The following NDRG4 variants were observed in gnomAD, a reference collection of about 807,000 sequenced individuals.
NDRG4 encodes the protein protein NDRG4.
A neutral mutation model predicts 55.8 loss-of-function variants in NDRG4; 38 were observed. The ratio of observed to expected loss-of-function variants is 0.68; its 90% confidence interval spans 0.53 to 0.89. The LOEUF (loss-of-function observed/expected upper bound fraction) is 0.89. Among genes scored for constraint, NDRG4 ranks in the 40% least tolerant of loss-of-function variants. NDRG4 has a pLI of 0.00. For missense variants in NDRG4, 455 were observed against 468.6 expected (o/e 0.97, Z 0.27); for synonymous variants, 190 against 182.7 (o/e 1.04, Z -0.32).
rs777199381 is a variant in NDRG4, at chr16:58,506,582, C to A, written c.484C>A (p.Pro162Thr). ...GCTCTCCGGCCTAACTAGCACTTTACCCGACACGGTGCTCTCCCACCTCTT... is the reference window on the plus strand; with the variant it reads ...GCTCTCCGGCCTAACTAGCACTTTAACCGACACGGTGCTCTCCCACCTCTT... ...TKLSGLTSTL[P>T]DTVLSHLFSQ... The change falls in exon 7 of 15, where the codon CCC (proline) becomes ACC (threonine). Residue 162 changes from proline (P) to threonine (T), a missense_variant. Physicochemically the swap from Pro to Thr is conservative, Grantham distance 38 (BLOSUM62 -1). Coordinates refer to ENST00000570248, the MANE Select transcript of NDRG4 (RefSeq NM_001242835.2). 1.1e-5 allele frequency: 17 copies of A among 1,579,100 alleles called. 1 individual carries two copies. In the South Asian group the frequency reaches 2.0e-4, roughly 18 times the overall value.
rs533886013 is a variant in NDRG4 at position 58,482,681 on chromosome 16, C to T, written c.-23-5075C>T. Among the ~76,000 whole-genome samples, 172 of 132,562 alleles carry T rather than the reference C, an allele frequency of 1.3e-3. 6 individuals are homozygous for T. The highest frequency in any genetic ancestry group is 8.8e-3 in the Admixed American group (123 of 13,964). 87.0% of individuals were successfully genotyped at this position (132,562 alleles called of 152,430 possible). A position where few individuals can be genotyped will look rare whatever the true frequency, so the allele number is the denominator to read the frequency against. On this transcript the variant is annotated intron_variant, in intron 1 of 15. Coordinates refer to the NDRG4 transcript ENST00000258187. ...TCTCTTTCCATCCCTCCCTTCCTTC[C>T]TCCCTCCCTTCCTTCCTCCCTCCCT... is the stretch of plus-strand genomic sequence containing the variant.
Position 58,504,179 on chromosome 16 carries a change from C to T in NDRG4, c.153C>T (p.Phe51=). 3 of 1,614,208 alleles carry T rather than the reference C, an allele frequency of 1.9e-6. No individual in the cohort carries two copies. Among genetic ancestry groups the T allele is most frequent in the Non-Finnish European group, 2.5e-6 (3 of 1,180,036 alleles). The change falls in exon 3 of 15, where the codon TTC becomes TTT. Residue 51 remains phenylalanine, a synonymous_variant. Coordinates refer to ENST00000570248, the MANE Select transcript of NDRG4 (RefSeq NM_001242835.2). ...ACAAACTATGCTTCAACACCTTCTT[C>T]AACTTCGAGGACATGCAGGAGATCA... ...LNHKLCFNTF[F]NFEDMQEITK... is the part of the protein sequence containing the mutation.
In NDRG4 at chr16:58,511,984, G is replaced by A. The variant is rs570612983; in HGVS notation, c.*408G>A. On this transcript the variant is annotated 3_prime_UTR_variant, in exon 15 of 15. Coordinates refer to ENST00000570248, the MANE Select transcript of NDRG4 (RefSeq NM_001242835.2). Reference sequence around the variant, plus strand: ...GTGCGGGGCCAGCTCAGGCACTGGCGTGGGAGCCCTGGGAGACCCCTTCCC... The same window carrying A: ...GTGCGGGGCCAGCTCAGGCACTGGCATGGGAGCCCTGGGAGACCCCTTCCC... 4 of 461,520 alleles carry A rather than the reference G, an allele frequency of 8.7e-6. No homozygotes were observed. The highest frequency in any genetic ancestry group is 1.6e-5 in the South Asian group (1 of 64,286). The allele number at this position is 461,520 out of a possible 1,614,324, so 28.6% of individuals were successfully genotyped here.
At position 58,505,693 on chromosome 16, in the gene NDRG4, T is replaced by C. The variant is rs114420542; in HGVS notation, c.373-694T>C. On this transcript the variant is annotated intron_variant, in intron 5 of 14. Coordinates refer to ENST00000570248, the MANE Select transcript of NDRG4 (RefSeq NM_001242835.2). ...AAAAGGTTGTTTTTTTCTTAATTTA[T>C]ATCATGAGGGCTTCATTTTCTTTTT... Among the ~76,000 whole-genome samples, 1,282 of 149,772 alleles carry C rather than the reference T, an allele frequency of 8.6e-3. 22 individuals carry two copies. Among genetic ancestry groups the C allele is most frequent in the African/African-American group, 0.03 (1,210 of 40,732 alleles).
chr16:58,507,872 G>GCCCCTGGCCCTCTGGCCT lies in NDRG4; in HGVS notation c.677+9_677+26dup. ...CAATGCCAAGACGCTCCGGTGAGTG[G>GCCCCTGGCCCTCTGGCCT]CCCCTGGCCCTCTGGCCTGCCCTGG... On this transcript the variant is annotated intron_variant, in intron 9 of 14. Coordinates refer to ENST00000570248, the MANE Select transcript of NDRG4 (RefSeq NM_001242835.2). The GCCCCTGGCCCTCTGGCCT allele has an allele frequency of 6.2e-7, 1 of 1,614,024 alleles. No individual in the cohort carries two copies. The highest frequency in any genetic ancestry group is 8.5e-7 in the Non-Finnish European group (1 of 1,179,986).
At chr16:58,491,618 A>C (rs944606851) in intron 2 of NDRG4, among the ~76,000 whole-genome samples, 2 of 151,380 alleles carry the variant, frequency 1.3e-5, no homozygotes, top group African/African-American at 2.4e-5. Context: ...GAGCCACCAC[A>C]CCCGGCTAAT....
intron 1 of NDRG4, among the ~76,000 whole-genome samples, chr16:58,482,333 T>C (rs2034497149): frequency 6.6e-6 from 1 of 152,132 alleles, no homozygotes; most frequent in South Asian, 2.1e-4. Context: ...CAGTTCTACC[T>C]CTTTTCTTGT....
intron 9 of NDRG4, 29 bp downstream of exon 9, chr16:58,507,893 C>T (rs1337218048): frequency 6.2e-7 from 1 of 1,613,980 alleles, no homozygotes; most frequent in Non-Finnish European, 8.5e-7. Context: ...TCTGGCCTGC[C>T]CTGGCCTTTG....
chr16:58,509,119 G>A (rs1287565377), intron 11 of NDRG4, 35 bp from the exon 12 acceptor site: 11 of 1,613,832 alleles, frequency 6.8e-6, no homozygotes, highest in African/African-American at 1.3e-5. Flanking sequence ...TGGAGTGAGG[G>A]CCCTGCTCAG....
intron 14 of NDRG4, 112 bp from the exon 15 acceptor site, chr16:58,511,310 T>G: frequency 7.9e-7 from 1 of 1,264,532 alleles, no homozygotes. Flanking sequence ...GAGGAGCCCT[T>G]TGTGCCTTCG....
At chr16:58,497,845 G>T (rs1329160556), upstream of NDRG4, among the ~76,000 whole-genome samples, 1 of 152,156 alleles carries the variant, frequency 6.6e-6, no homozygotes, top group Non-Finnish European at 1.5e-5. Context: ...CCTGGGCAGG[G>T]GTGGGGTCAG....
In NDRG4 at chr16:58,507,015, G is replaced by A. The variant is rs1235788309; in HGVS notation, c.620G>A (p.Ser207Asn). 3 of 1,611,786 alleles carry A rather than the reference G, an allele frequency of 1.9e-6. No individual in the cohort carries two copies. The highest frequency in any genetic ancestry group is 2.5e-6 in the Non-Finnish European group (3 of 1,178,898). Residue 207 changes from serine to asparagine, a missense_variant and splice_region_variant, in exon 8 of 15, where the codon AGC becomes AAC. Physicochemically the swap from Ser to Asn is conservative, Grantham distance 46. Coordinates refer to ENST00000570248, the MANE Select transcript of NDRG4 (RefSeq NM_001242835.2). ...CAGCTCTTCTGGAACATGTACAACA[G>A]GTGCGGGTGGGATCAGCAGCCCTGG... ...NLQLFWNMYN[S>N]RRDLDINRPG...
rs1361953926 is a variant in NDRG4 at position 58,506,624 on chromosome 16, G to A, written c.516+10G>A. The A allele has an allele frequency of 6.4e-7, 1 of 1,550,408 alleles. No homozygotes were observed. Among genetic ancestry groups the A allele is most frequent in the Non-Finnish European group, 8.7e-7 (1 of 1,149,062 alleles). ...CCACCTCTTCAGCCAGGTAAGGGGG[G>A]GAACTTCTGCAGATCTGGGGTGATC... is the stretch of plus-strand genomic sequence containing the variant. On this transcript the variant is annotated intron_variant, in intron 7 of 14. Coordinates refer to ENST00000570248, the MANE Select transcript of NDRG4 (RefSeq NM_001242835.2).
intron 1 of NDRG4, among the ~76,000 whole-genome samples, chr16:58,467,607 A>G (rs920015008): frequency 2.6e-5 from 4 of 152,084 alleles, no homozygotes; most frequent in South Asian, 4.1e-4. Context: ...TCATGTTCCT[A>G]TTTCTCAGAA....
chr16:58,490,994 C>T (rs904461707), intron 2 of NDRG4, among the ~76,000 whole-genome samples: 7 of 148,590 alleles, frequency 4.7e-5, no homozygotes, highest in Admixed American at 1.3e-4. Flanking sequence ...AAATAAAAGC[C>T]GGCCGGGCAT....
chr16:58,483,287 G>A (rs2034687740), intron 1 of NDRG4, among the ~76,000 whole-genome samples: 1 of 152,072 alleles, frequency 6.6e-6, no homozygotes. Context: ...CGGGGTCTCA[G>A]CATGGAATCA....
chr16:58,475,058 C>T (rs1053620912), intron 1 of NDRG4, among the ~76,000 whole-genome samples: 3 of 152,174 alleles, frequency 2.0e-5, no homozygotes, highest in South Asian at 2.1e-4. Flanking sequence ...AGATGCCCCT[C>T]GGGCTCTCTC....
chr16:58,482,765 C>T (rs1438563963), intron 1 of NDRG4, among the ~76,000 whole-genome samples: 1 of 144,710 alleles, frequency 6.9e-6, no homozygotes, highest in Non-Finnish European at 1.5e-5. Flanking sequence ...TCTTTCCTTC[C>T]TTCCTTTTTT....
Position 58,506,985 on chromosome 16 carries a change from A to G in NDRG4, c.590A>G (p.Asn197Ser), listed in dbSNP as rs533781343. ...QQIGNVVNQA[N>S]LQLFWNMYNS... ...ATTGGGAACGTGGTGAACCAGGCCA[A>G]CCTGCAGCTCTTCTGGAACATGTAC... is the stretch of plus-strand genomic sequence containing the variant. Residue 197 changes from asparagine (N) to serine (S), a missense_variant, in exon 8 of 15, where the codon AAC becomes AGC. By Grantham distance (46) the Asn-to-Ser change is conservative. Coordinates refer to ENST00000570248, the MANE Select transcript of NDRG4 (RefSeq NM_001242835.2). 6 of 1,613,956 alleles carry G rather than the reference A, an allele frequency of 3.7e-6. No individual in the cohort carries two copies. The South Asian group carries it at 6.6e-5, about 18-fold the overall frequency.
Sources: allele counts gnomAD v4.1 joint callset (sites outside exome capture counted in the v4.1 genomes callset), GRCh38; gene constraint gnomAD v4.1.1; transcripts MANE v1.5; gene names NCBI Gene and HGNC (gene_info 2026-07-23, HGNC 2026-07-21).